The following NAALADL2 variants were observed in gnomAD, a reference collection of about 807,000 sequenced individuals.
The protein encoded by NAALADL2 is inactive N-acetylated-alpha-linked acidic dipeptidase-like protein 2.
A neutral mutation model predicts 87.2 loss-of-function variants in NAALADL2; 76 were observed. The observed-to-expected ratio is 0.87, with a 90% CI of 0.72 to 1.05. NAALADL2 has a LOEUF of 1.05. Ranked by LOEUF, NAALADL2 falls within the 50% of genes least tolerant of loss-of-function variation. The probability of loss-of-function intolerance (pLI) is 0.00; values close to 1 mark genes in which losing one functional copy is unlikely to be tolerated. For synonymous variants in NAALADL2, 354 were observed against 331.0 expected (o/e 1.07, Z -0.75); for missense variants, 1,089 against 945.8 (o/e 1.15, Z -1.99).
chr3:174,920,949 A>G (rs1463169097), intron 1 of NAALADL2, among the ~76,000 whole-genome samples: 3 of 152,220 alleles, frequency 2.0e-5, no homozygotes, highest in Non-Finnish European at 4.4e-5. Context: ...CTCTCAGAAC[A>G]CGGTCAGCAT....
intron 3 of NAALADL2, among the ~76,000 whole-genome samples, chr3:174,755,235 C>T (rs1377075461): frequency 1.3e-5 from 2 of 152,068 alleles, no homozygotes; most frequent in Admixed American, 6.6e-5. Flanking sequence ...CATCTTCTGC[C>T]GTAATTGTAA....
intron 2 of NAALADL2, among the ~76,000 whole-genome samples, chr3:174,613,435 C>T (rs1720134888): frequency 1.1e-5 from 1 of 87,122 alleles, no homozygotes; most frequent in African/African-American, 6.4e-5. Flanking sequence ...GTAAAAAAAC[C>T]TTAGAAGTCT....
chr3:175,267,982 T>C (rs985451659), intron 4 of NAALADL2, among the ~76,000 whole-genome samples: 29 of 152,234 alleles, frequency 1.9e-4, no homozygotes, highest in African/African-American at 6.5e-4. Flanking sequence ...TATATTGTTA[T>C]TGTTTTGTAA....
At chr3:175,629,776 C>G (rs1304663210) in intron 11 of NAALADL2, among the ~76,000 whole-genome samples, 1 of 151,696 alleles carries the variant, frequency 6.6e-6, no homozygotes, top group East Asian at 1.9e-4. Context: ...AAATGGAGTA[C>G]AGGGGCACAG....
chr3:174,839,091 A>T (rs1307116763), intron 3 of NAALADL2, among the ~76,000 whole-genome samples: 1 of 152,184 alleles, frequency 6.6e-6, no homozygotes. Flanking sequence ...ACTGATTTCC[A>T]ACTACTATAA....
chr3:174,984,688 T>C (rs1397036391), intron 1 of NAALADL2, among the ~76,000 whole-genome samples: 2 of 152,100 alleles, frequency 1.3e-5, no homozygotes, highest in African/African-American at 4.8e-5. Flanking sequence ...AACTTTAAGC[T>C]CCTGAAATTA....
chr3:175,111,025 A>G (rs2108494952), intron 2 of NAALADL2, among the ~76,000 whole-genome samples: 1 of 151,768 alleles, frequency 6.6e-6, no homozygotes, highest in South Asian at 2.1e-4. Flanking sequence ...AAATTCTTAG[A>G]AGAAGGGAAG....
chr3:174,787,892 C>T (rs1446385114), intron 3 of NAALADL2, among the ~76,000 whole-genome samples: 1 of 151,624 alleles, frequency 6.6e-6, no homozygotes, highest in Non-Finnish European at 1.5e-5. Context: ...AGTCAGCACT[C>T]CAGCTCTGAG....
chr3:175,061,728 A>T (rs1427860644), intron 1 of NAALADL2, among the ~76,000 whole-genome samples: 2 of 141,542 alleles, frequency 1.4e-5, no homozygotes, highest in Admixed American at 1.5e-4. Flanking sequence ...CACTTGCACA[A>T]ATATATATAT....
At chr3:174,629,327 C>G (rs1235889312) in intron 2 of NAALADL2, among the ~76,000 whole-genome samples, 1 of 152,036 alleles carries the variant, frequency 6.6e-6, no homozygotes, top group Non-Finnish European at 1.5e-5. Context: ...TGAACAAGTG[C>G]CTAAAAGCAA....
chr3:174,568,821 A>G (rs1321446148), intron 2 of NAALADL2, among the ~76,000 whole-genome samples: 1 of 151,322 alleles, frequency 6.6e-6, no homozygotes, highest in African/African-American at 2.4e-5. Context: ...CATTATTATT[A>G]TTATTCTTTT....
intron 1 of NAALADL2, among the ~76,000 whole-genome samples, chr3:174,461,758 A>G (rs1716226690): frequency 6.6e-6 from 1 of 152,074 alleles, no homozygotes; most frequent in African/African-American, 2.4e-5. Flanking sequence ...GAATTTCTAT[A>G]CTATAGTGCC....
chr3:175,648,149 C>A (rs556888509), intron 11 of NAALADL2, among the ~76,000 whole-genome samples: 115 of 152,192 alleles, frequency 7.6e-4, no homozygotes, highest in African/African-American at 2.7e-3. Flanking sequence ...GGTGGGGGAG[C>A]AAATAAACTA....
intron 3 of NAALADL2, among the ~76,000 whole-genome samples, chr3:174,763,832 A>C (rs942635216): frequency 6.7e-4 from 97 of 144,628 alleles, no homozygotes; most frequent in Non-Finnish European, 1.4e-3. Flanking sequence ...AACAAAACAA[A>C]AAAAAAAAAA....
intron 2 of NAALADL2, among the ~76,000 whole-genome samples, chr3:175,206,073 T>G (rs1580922631): frequency 6.6e-6 from 1 of 151,634 alleles, no homozygotes; most frequent in African/African-American, 2.4e-5. Context: ...AACTACCATT[T>G]GATACAGCAA....
chr3:174,609,789 T>C (rs1176238471), intron 2 of NAALADL2, among the ~76,000 whole-genome samples: 1 of 152,158 alleles, frequency 6.6e-6, no homozygotes, highest in Non-Finnish European at 1.5e-5. Flanking sequence ...ACCAATGACT[T>C]TCTTCACAGA....
Position 175,471,629 on chromosome 3 carries a change from G to A in NAALADL2, c.1534-10G>A, listed in dbSNP as rs79264590. 795,777 of 1,336,664 alleles carry A rather than the reference G, an allele frequency of 0.6. 241,866 individuals are homozygous for A. The highest frequency in any genetic ancestry group is 0.7 in the East Asian group (29,644 of 42,342). The allele number at this position is 1,336,664 out of a possible 1,614,324, so 82.8% of individuals were successfully genotyped here. ...CTTACAGATAGATCCTTTTTTTTTTGTTATTTCAGGATTTCAAGAAGGTTC... is the reference window on the plus strand; with the variant it reads ...CTTACAGATAGATCCTTTTTTTTTTATTATTTCAGGATTTCAAGAAGGTTC... On this transcript the variant is annotated splice_polypyrimidine_tract_variant and intron_variant, in intron 8 of 13. Transcript: ENST00000454872.
At chr3:175,123,620 G>A (rs532826492) in intron 2 of NAALADL2, among the ~76,000 whole-genome samples, 100 of 151,916 alleles carry the variant, frequency 6.6e-4, no homozygotes, top group Non-Finnish European at 1.1e-3. Flanking sequence ...GCACCCTACC[G>A]TTTACTTTCC....
At chr3:174,768,301 A>G (rs1714107432) in intron 3 of NAALADL2, among the ~76,000 whole-genome samples, 1 of 152,170 alleles carries the variant, frequency 6.6e-6, no homozygotes, top group Non-Finnish European at 1.5e-5. Flanking sequence ...ATATAATAAT[A>G]TCTTTAGCTG....
Sources: gnomAD v4.1 joint callset for allele counts (sites outside exome capture counted in the v4.1 genomes callset) on GRCh38, gnomAD v4.1.1 for gene constraint, MANE v1.5 for transcripts, NCBI Gene and HGNC (gene_info 2026-07-23, HGNC 2026-07-21) for gene names.